LRP1B: variants seen among roughly 807,000 people sequenced by gnomAD.
LRP1B encodes low-density lipoprotein receptor-related protein 1B.
A neutral mutation model predicts 556.6 loss-of-function variants in LRP1B; 217 were observed. The ratio of observed to expected loss-of-function variants is 0.39; its 90% CI spans 0.35 to 0.44. The LOEUF (loss-of-function observed/expected upper bound fraction) is 0.44. LRP1B is among the 20% of genes least tolerant of loss of function. The probability of loss-of-function intolerance (pLI) is 1.00; values close to 1 mark genes in which losing one functional copy is unlikely to be tolerated. For synonymous variants in LRP1B, 2,047 were observed against 1,865.8 expected (o/e 1.10, Z -2.50); for missense variants, 5,053 against 5,620.8 (o/e 0.90, Z 3.23).
intron 18 of LRP1B, among the ~76,000 whole-genome samples, chr2:140,959,399 A>C (rs748524003): frequency 6.6e-6 from 1 of 151,670 alleles, no homozygotes; most frequent in Non-Finnish European, 1.5e-5. Flanking sequence ...ACATTTTAGC[A>C]CAACAGAAAA....
At chr2:141,999,215 G>T (rs1865599) in intron 1 of LRP1B, among the ~76,000 whole-genome samples, 1 of 151,850 alleles carries the variant, frequency 6.6e-6, no homozygotes, top group Admixed American at 6.6e-5. Flanking sequence ...TCCAATGGGA[G>T]GAGAGTATAA....
intron 1 of LRP1B, among the ~76,000 whole-genome samples, chr2:142,011,908 C>G (rs967824293): frequency 6.6e-6 from 1 of 151,278 alleles, no homozygotes; most frequent in African/African-American, 2.4e-5. Flanking sequence ...GGTCATAATT[C>G]AAAAAAAGGT....
chr2:141,504,125 C>T (rs1683828997), intron 2 of LRP1B, among the ~76,000 whole-genome samples: 1 of 152,076 alleles, frequency 6.6e-6, no homozygotes, highest in Non-Finnish European at 1.5e-5. Flanking sequence ...TTTCTGCTTG[C>T]TGACACACTC....
rs142988536 is a variant in LRP1B, at chr2:141,807,344, A to G, written c.205+2935T>C. Among the ~76,000 whole-genome samples the G allele has an allele frequency of 6.5e-3, 992 of 152,212 alleles. 7 individuals are homozygous for G. Among genetic ancestry groups the G allele is most frequent in the African/African-American group, 0.021 (889 of 41,560 alleles). On this transcript the variant is annotated intron_variant, in intron 2 of 90. Transcript: ENST00000389484. ...TTTATAGGGAACAAGCCAATTAAAT[A>G]TAAATCTAAATATCTTGAACAGATT...
At chr2:141,959,750 C>T (rs1415571560) in intron 1 of LRP1B, among the ~76,000 whole-genome samples, 1 of 151,854 alleles carries the variant, frequency 6.6e-6, no homozygotes, top group Non-Finnish European at 1.5e-5. Context: ...TCTTTGGAAT[C>T]TGGTGTGTCT....
In LRP1B at chr2:141,345,656, A is replaced by ATT. The variant is rs758109848; in HGVS notation, c.344-91017_344-91016dup. ...GAGTGTGTGCCACCATACCTGGCTA[A>ATT]TTTTTTTTTTTTTTTTTTTTTTACT... On this transcript the variant is annotated intron_variant, in intron 3 of 90. Coordinates refer to ENST00000389484, the MANE Select transcript of LRP1B (RefSeq NM_018557.3). Among the ~76,000 whole-genome samples the ATT allele has an allele frequency of 6.5e-3, 852 of 131,026 alleles. 22 individuals carry two copies. The highest frequency in any genetic ancestry group is 0.049 in the Admixed American group (628 of 12,900). The allele number at this position is 131,026 out of a possible 152,430, so 86.0% of individuals were successfully genotyped here.
intron 21 of LRP1B, among the ~76,000 whole-genome samples, chr2:140,912,170 C>T (rs1480397275): frequency 6.6e-6 from 1 of 151,630 alleles, no homozygotes. Flanking sequence ...AGAAGGCGAA[C>T]CAAGTATGAT....
At chr2:142,003,633 G>A (rs1363662140) in intron 1 of LRP1B, among the ~76,000 whole-genome samples, 1 of 152,200 alleles carries the variant, frequency 6.6e-6, no homozygotes, top group African/African-American at 2.4e-5. Context: ...ACAATAGATA[G>A]CCATGGCAGA....
intron 2 of LRP1B, among the ~76,000 whole-genome samples, chr2:141,708,864 T>G (rs1692248335): frequency 6.6e-6 from 1 of 152,144 alleles, no homozygotes; most frequent in Admixed American, 6.6e-5. Context: ...AGCAGCCATC[T>G]GCAAGCCAAG....
Position 141,119,003 on chromosome 2 carries a change from A to G in LRP1B, c.1014-56730T>C, listed in dbSNP as rs542609958. 1.5e-3 allele frequency among the ~76,000 whole-genome samples: 224 copies of G among 152,040 alleles called. 2 individuals carry two copies. The highest frequency in any genetic ancestry group is 5.2e-3 in the African/African-American group (216 of 41,554). On this transcript the variant is annotated intron_variant, in intron 7 of 90. Transcript: ENST00000389484. ...CTCAGCAGATAGCTAAGATTTCCAT[A>G]TTGCAGGCTAACTGCTCAGGCGGTT...
intron 1 of LRP1B, among the ~76,000 whole-genome samples, chr2:142,102,488 A>G (rs768727134): frequency 6.6e-5 from 10 of 151,858 alleles, no homozygotes; most frequent in Non-Finnish European, 1.2e-4. Flanking sequence ...CTGCTGATAT[A>G]AGTATTTTGA....
chr2:140,282,234 A>G (rs897251627), intron 84 of LRP1B, among the ~76,000 whole-genome samples: 1 of 151,820 alleles, frequency 6.6e-6, no homozygotes. Flanking sequence ...TAGTAAAATG[A>G]TGTAAATGAT....
At chr2:140,867,239 A>G (rs1350541864) in intron 27 of LRP1B, among the ~76,000 whole-genome samples, 1 of 152,006 alleles carries the variant, frequency 6.6e-6, no homozygotes, top group Non-Finnish European at 1.5e-5. Flanking sequence ...CTTCTCCTAA[A>G]ATAGAGGAAC....
intron 84 of LRP1B, among the ~76,000 whole-genome samples, chr2:140,287,749 G>A (rs1193492916): frequency 2.0e-5 from 3 of 151,230 alleles, no homozygotes; most frequent in African/African-American, 7.3e-5. Context: ...TGTACTTAAG[G>A]TGTATCTGAT....
At chr2:140,284,048 G>A (rs773798958) in intron 84 of LRP1B, among the ~76,000 whole-genome samples, 33 of 142,286 alleles carry the variant, frequency 2.3e-4, no homozygotes, top group African/African-American at 3.7e-4. Flanking sequence ...TATAGGCCAC[G>A]CCTCCACAGC....
intron 66 of LRP1B, among the ~76,000 whole-genome samples, chr2:140,399,182 C>T (rs865960946): frequency 3.0e-5 from 4 of 133,020 alleles, no homozygotes; most frequent in African/African-American, 8.2e-5. Flanking sequence ...CACACACACA[C>T]ACACACACCA....
chr2:140,952,558 A>G (rs1189509075), intron 18 of LRP1B, among the ~76,000 whole-genome samples: 1 of 152,186 alleles, frequency 6.6e-6, no homozygotes, highest in Admixed American at 6.5e-5. Flanking sequence ...ATAGCAAAGA[A>G]TTAGATTTCA....
chr2:140,623,905 C>T (rs952103318), intron 41 of LRP1B, among the ~76,000 whole-genome samples: 3 of 129,472 alleles, frequency 2.3e-5, no homozygotes, highest in Non-Finnish European at 4.9e-5. Flanking sequence ...GGCAACACAG[C>T]GAGACTTCGT....
intron 29 of LRP1B, among the ~76,000 whole-genome samples, chr2:140,842,426 G>T (rs1228226237): frequency 2.0e-5 from 3 of 152,102 alleles, no homozygotes; most frequent in Non-Finnish European, 4.4e-5. Flanking sequence ...AATAATCACA[G>T]TTGCCTTAGA....
Sources: allele counts gnomAD v4.1 joint callset (sites outside exome capture counted in the v4.1 genomes callset), GRCh38; gene constraint gnomAD v4.1.1; transcripts MANE v1.5; gene names NCBI Gene and HGNC (gene_info 2026-07-23, HGNC 2026-07-21).